Variants in KAZN observed in about 807,000 individuals in gnomAD.
The protein encoded by KAZN is kazrin, periplakin interacting protein.
KAZN carries 40 observed loss-of-function variants against 87.4 expected under a neutral mutation model. The ratio of observed to expected loss-of-function variants is 0.46; its 90% CI spans 0.36 to 0.60. KAZN has a LOEUF of 0.60. Ranked by LOEUF, KAZN falls within the 20% of genes least tolerant of loss-of-function variation. The pLI, the probability that KAZN is intolerant of heterozygous loss-of-function variation, is 0.00. For missense variants in KAZN, 898 were observed against 1,073.9 expected (o/e 0.84, Z 2.29); for synonymous variants, 466 against 458.3 (o/e 1.02, Z -0.22).
Position 14,233,227 on chromosome 1 carries a change from G to A in KAZN, c.249+52635G>A, listed in dbSNP as rs547396374. 6.1e-4 allele frequency among the ~76,000 whole-genome samples: 93 copies of A among 152,168 alleles called. 1 individual carries two copies. In the South Asian group the frequency reaches 7.1e-3, roughly 12 times the overall value. On this transcript the variant is annotated intron_variant, in intron 2 of 16. Transcript: ENST00000636203. ...CCTCACTGCAGCCTCGGTTTCCTGC[G>A]TTCAACTGATCCTTCTGCCTCAGCC... is the stretch of plus-strand genomic sequence containing the variant.
intron 1 of KAZN, among the ~76,000 whole-genome samples, chr1:13,925,224 G>A (rs1023693294): frequency 2.6e-5 from 4 of 152,148 alleles, no homozygotes; most frequent in Non-Finnish European, 4.4e-5. Flanking sequence ...TAATGTTTTC[G>A]AGTAATTTCA....
At chr1:14,836,074 A>G (rs60776196) in intron 1 of KAZN, among the ~76,000 whole-genome samples, 23,720 of 152,172 alleles carry the variant, frequency 0.16, 2,428 homozygotes, top group African/African-American at 0.29. Context: ...CCGCCCCGCT[A>G]GCAGGAGACC....
chr1:13,925,979 A>G (rs1426518536), intron 1 of KAZN, among the ~76,000 whole-genome samples: 1 of 152,122 alleles, frequency 6.6e-6, no homozygotes, highest in Non-Finnish European at 1.5e-5. Flanking sequence ...GTGGCCATTG[A>G]CTGAGATGGT....
Position 14,495,819 on chromosome 1 carries a change from G to A in KAZN, c.250-103164G>A, listed in dbSNP as rs141724564. On this transcript the variant is annotated intron_variant, in intron 2 of 16. Transcript: ENST00000636203. The stretch of plus-strand genomic sequence containing the variant: ...ATGAAATTGCCTTCAGGTCTTGCCA[G>A]TTGATGCAAAATGCATCGAGGAATT... 7.9e-4 allele frequency among the ~76,000 whole-genome samples: 121 copies of A among 152,246 alleles called. 1 individual carries two copies. Among genetic ancestry groups the A allele is most frequent in the African/African-American group, 2.6e-3 (109 of 41,530 alleles).
intron 2 of KAZN, among the ~76,000 whole-genome samples, chr1:14,189,149 A>T (rs1646373571): frequency 6.6e-6 from 1 of 152,136 alleles, no homozygotes; most frequent in South Asian, 2.1e-4. Flanking sequence ...CTTTGAGTAA[A>T]TCACACTTAA....
intron 1 of KAZN, among the ~76,000 whole-genome samples, chr1:14,019,186 C>A (rs74754034): frequency 0.022 from 3,369 of 152,284 alleles, 116 homozygotes; most frequent in African/African-American, 0.076. Context: ...GATTTGAAAT[C>A]TATATCAGAT....
intron 1 of KAZN, among the ~76,000 whole-genome samples, chr1:14,718,078 C>T (rs937640487): frequency 2.0e-5 from 3 of 152,204 alleles, no homozygotes; most frequent in Non-Finnish European, 4.4e-5. Flanking sequence ...CTGCTGGTCA[C>T]CAGCGGCAGG....
chr1:14,936,118 G>A (rs1430296510), intron 1 of KAZN, among the ~76,000 whole-genome samples: 5 of 152,188 alleles, frequency 3.3e-5, no homozygotes, highest in Non-Finnish European at 5.9e-5. Flanking sequence ...GGGAGGTGAC[G>A]GGCAGAACAT....
chr1:14,551,432 G>C (rs143450149), intron 2 of KAZN, among the ~76,000 whole-genome samples: 2 of 152,162 alleles, frequency 1.3e-5, no homozygotes, highest in African/African-American at 2.4e-5. Flanking sequence ...ACGCAGCTAG[G>C]CTCGGGACAA....
intron 2 of KAZN, among the ~76,000 whole-genome samples, chr1:14,366,438 A>G (rs1194717097): frequency 1.3e-5 from 2 of 152,248 alleles, no homozygotes; most frequent in Non-Finnish European, 1.5e-5. Flanking sequence ...CAAGAAAAGT[A>G]TCATAGCTGT....
At chr1:14,480,955 A>G (rs1360358477) in intron 2 of KAZN, among the ~76,000 whole-genome samples, 1 of 149,062 alleles carries the variant, frequency 6.7e-6, no homozygotes, top group African/African-American at 2.4e-5. Flanking sequence ...TGTATTATTT[A>G]TTACTTATAT....
At chr1:15,027,121 G>T (rs984735306) in intron 2 of KAZN, among the ~76,000 whole-genome samples, 3 of 106,258 alleles carry the variant, frequency 2.8e-5, no homozygotes, top group South Asian at 3.3e-4. Context: ...TCGCTCTGTC[G>T]CCCAGGCTGG....
intron 2 of KAZN, among the ~76,000 whole-genome samples, chr1:14,383,006 C>T (rs1186899346): frequency 2.0e-5 from 3 of 150,648 alleles, no homozygotes; most frequent in African/African-American, 7.3e-5. Flanking sequence ...TTAATGATTG[C>T]CATTCTAACT....
At chr1:14,236,458 C>G (rs993586343) in intron 2 of KAZN, among the ~76,000 whole-genome samples, 1 of 152,154 alleles carries the variant, frequency 6.6e-6, no homozygotes. Flanking sequence ...CATGGGACCA[C>G]AGAGGCCTGG....
chr1:14,579,636 A>T (rs901876164), intron 2 of KAZN, among the ~76,000 whole-genome samples: 6 of 139,982 alleles, frequency 4.3e-5, no homozygotes. Flanking sequence ...AAAAAAAATT[A>T]AAAAAAAAAA....
intron 1 of KAZN, among the ~76,000 whole-genome samples, chr1:13,938,098 T>C (rs1640807213): frequency 6.6e-6 from 1 of 152,224 alleles, no homozygotes; most frequent in South Asian, 2.1e-4. Context: ...GAAATCGCAT[T>C]GAATCTGTAG....
intron 1 of KAZN, among the ~76,000 whole-genome samples, chr1:14,054,540 A>C (rs1354052089): frequency 6.6e-6 from 1 of 152,210 alleles, no homozygotes; most frequent in Non-Finnish European, 1.5e-5. Context: ...AGGTTTTCCT[A>C]GGGGCTAAAT....
Position 15,094,457 on chromosome 1 carries a change from C to A in KAZN, c.1428+72C>A. ...GAGCTTTACGTACCCAGAAGCTGGC[C>A]TGCCCCCCACTCCTACCCTGGAGTC... On this transcript the variant is annotated intron_variant, in intron 9 of 14. Coordinates refer to ENST00000376030, the MANE Select transcript of KAZN (RefSeq NM_201628.3). This position sits in a 1 kb window ranked among gnomAD's most constrained non-coding sequence, Gnocchi z 4.5. 1 of 1,375,326 alleles carries A rather than the reference C, an allele frequency of 7.3e-7. No individual in the cohort carries two copies. Among genetic ancestry groups the A allele is most frequent in the Non-Finnish European group, 1.0e-6 (1 of 997,794 alleles). 85.2% of individuals were successfully genotyped at this position (1,375,326 alleles called of 1,614,324 possible).
chr1:14,636,733 C>G (rs529471430), intron 1 of KAZN, among the ~76,000 whole-genome samples: 39 of 152,314 alleles, frequency 2.6e-4, no homozygotes, highest in African/African-American at 9.4e-4. Flanking sequence ...CTCAGCAGAT[C>G]CCAGCCCTGG....
Sources: gnomAD v4.1 joint callset for allele counts (sites outside exome capture counted in the v4.1 genomes callset) on GRCh38, gnomAD v4.1.1 for gene constraint, Gnocchi (gnomAD v3.1) non-coding constraint, MANE v1.5 for transcripts, NCBI Gene and HGNC (gene_info 2026-07-23, HGNC 2026-07-21) for gene names.